SORBS2: variants seen among roughly 807,000 people sequenced by gnomAD.
SORBS2 encodes sorbin and SH3 domain-containing protein 2.
In SORBS2, 46 loss-of-function variants were observed where a neutral mutation model predicts 97.7. The ratio of observed to expected loss-of-function variants is 0.47; its 90% CI spans 0.37 to 0.60. The LOEUF is 0.60. SORBS2 is among the 20% of genes least tolerant of loss of function. The pLI is 0.00. For missense variants in SORBS2, 1,316 were observed against 1,282.3 expected (o/e 1.03, Z -0.40); for synonymous variants, 476 against 473.4 (o/e 1.01, Z -0.07).
chr4:185,867,768 T>C (rs1297199974), intron 1 of SORBS2, among the ~76,000 whole-genome samples: 4 of 152,134 alleles, frequency 2.6e-5, no homozygotes, highest in Non-Finnish European at 4.4e-5. Flanking sequence ...CGACTCTCTC[T>C]AAATTACCTT....
At chr4:185,665,198 G>T (rs1405192784) in intron 4 of SORBS2, among the ~76,000 whole-genome samples, 1 of 152,092 alleles carries the variant, frequency 6.6e-6, no homozygotes, top group Admixed American at 6.5e-5. Flanking sequence ...TAGGATTATC[G>T]ACATCATTCA....
chr4:185,602,119 T>C (rs1010844504), intron 12 of SORBS2, among the ~76,000 whole-genome samples: 10 of 151,614 alleles, frequency 6.6e-5, no homozygotes, highest in African/African-American at 2.2e-4. Flanking sequence ...CAAGCAATTC[T>C]CTGCCTCACC....
Position 185,843,331 on chromosome 4 carries a change from A to G in SORBS2, c.-337-67965T>C, listed in dbSNP as rs553673274. On this transcript the variant is annotated intron_variant, in intron 1 of 20. Transcript: ENST00000284776. ...TCCACTTTCACCATTCCTATTCATT[A>G]TTGTATTGGAGGTTCTAGCTGTAGC... 7.9e-5 allele frequency among the ~76,000 whole-genome samples: 12 copies of G among 152,318 alleles called. No individual in the cohort carries two copies. In the South Asian group the frequency reaches 2.1e-3, roughly 26 times the overall value.
At chr4:185,653,049 T>G (rs1342269115) in intron 1 of SORBS2, among the ~76,000 whole-genome samples, 2 of 152,250 alleles carry the variant, frequency 1.3e-5, no homozygotes, top group Non-Finnish European at 2.9e-5. Flanking sequence ...TAATGTAAGT[T>G]ATTGTTGTAC....
chr4:185,810,303 C>T (rs1258299240), intron 1 of SORBS2, among the ~76,000 whole-genome samples: 1 of 152,210 alleles, frequency 6.6e-6, no homozygotes, highest in Non-Finnish European at 1.5e-5. Context: ...TATCTTAGGG[C>T]TTATGAACAT....
At position 185,626,818 on chromosome 4, in the gene SORBS2, T is replaced by C; in HGVS notation, c.634+14A>G. The C allele has an allele frequency of 6.2e-7, 1 of 1,613,574 alleles. No individual in the cohort carries two copies. The highest frequency in any genetic ancestry group is 8.5e-7 in the Non-Finnish European group (1 of 1,179,398). ...AAACTAGTAAATTGTTGTGTTTTCA[T>C]TTACTATGCTCACCTTTTGCTCTTG... On this transcript the variant is annotated intron_variant, in intron 6 of 14. Transcript: ENST00000418609.
Position 185,804,559 on chromosome 4 carries a change from T to A in SORBS2, c.-337-29193A>T, listed in dbSNP as rs1016838240. ...GATTGCAGAAAATGTTTCTGAGAAA[T>A]TCCAATGTAAACGTCCTTAAAAGTC... On this transcript the variant is annotated intron_variant, in intron 1 of 20. Transcript: ENST00000284776. Among the ~76,000 whole-genome samples the A allele has an allele frequency of 6.6e-5, 10 of 152,250 alleles. No individual in the cohort carries two copies. The East Asian group carries it at 1.3e-3, about 20-fold the overall frequency.
intron 1 of SORBS2, among the ~76,000 whole-genome samples, chr4:185,846,722 G>A (rs1250023114): frequency 2.0e-5 from 3 of 152,262 alleles, no homozygotes; most frequent in East Asian, 1.9e-4. Flanking sequence ...AATAGGAAGC[G>A]GGTGCTTCTG....
At chr4:185,657,556 A>C (rs1310605555), upstream of SORBS2, 5 of 1,584,902 alleles carry the variant, frequency 3.2e-6, no homozygotes, top group Non-Finnish European at 4.3e-6. Flanking sequence ...TGGTGGTGCC[A>C]TCCAGAGACT....
intron 1 of SORBS2, among the ~76,000 whole-genome samples, chr4:185,879,810 C>T (rs770594821): frequency 2.6e-5 from 4 of 152,174 alleles, no homozygotes; most frequent in Non-Finnish European, 4.4e-5. Flanking sequence ...GAGCTTCTAT[C>T]TGTTCACAGG....
intron 1 of SORBS2, among the ~76,000 whole-genome samples, chr4:185,816,005 A>T (rs2099193064): frequency 6.6e-6 from 1 of 152,264 alleles, no homozygotes; most frequent in Non-Finnish European, 1.5e-5. Flanking sequence ...AAACTAAAGA[A>T]GTTAATAAGT....
intron 1 of SORBS2, among the ~76,000 whole-genome samples, chr4:185,820,278 C>T (rs870197): frequency 0.66 from 99,990 of 152,094 alleles, 33,356 homozygotes; most frequent in East Asian, 0.92. Flanking sequence ...TCCCTGCAAC[C>T]TCACCTGGAC....
intron 2 of SORBS2, among the ~76,000 whole-genome samples, chr4:185,704,568 C>T (rs2098313305): frequency 6.6e-6 from 1 of 152,134 alleles, no homozygotes; most frequent in Non-Finnish European, 1.5e-5. Flanking sequence ...ATCCACCCCC[C>T]TCGGCCTCCC....
intron 12 of SORBS2, among the ~76,000 whole-genome samples, chr4:185,603,961 CAGG>C (rs547215136): frequency 2.6e-4 from 40 of 152,228 alleles, no homozygotes; most frequent in African/African-American, 9.2e-4. Flanking sequence ...ATCCTGTCTC[CAGG>C]CTCTGCTGAA....
At chr4:185,855,223 C>G (rs527822768) in intron 1 of SORBS2, among the ~76,000 whole-genome samples, 1 of 152,230 alleles carries the variant, frequency 6.6e-6, no homozygotes, top group African/African-American at 2.4e-5. Flanking sequence ...AGGCCTTCCC[C>G]TCTGAAGGCG....
chr4:185,946,104 G>T (rs1453536302), intron 1 of SORBS2, among the ~76,000 whole-genome samples: 1 of 144,988 alleles, frequency 6.9e-6, no homozygotes, highest in African/African-American at 2.5e-5. Flanking sequence ...GTTGATAGGT[G>T]TGATGATTGG....
intron 12 of SORBS2, among the ~76,000 whole-genome samples, chr4:185,605,461 T>G (rs2096389412): frequency 6.6e-6 from 1 of 151,370 alleles, no homozygotes; most frequent in African/African-American, 2.4e-5. Context: ...TTTTGTATTT[T>G]TAGTGGAGAT....
At chr4:185,705,679 A>C (rs907874502) in intron 2 of SORBS2, among the ~76,000 whole-genome samples, 5 of 152,308 alleles carry the variant, frequency 3.3e-5, no homozygotes, top group Non-Finnish European at 5.9e-5. Context: ...TATCTGGTAC[A>C]TATTATTTAC....
At chr4:185,830,134 A>G (rs568482237) in intron 1 of SORBS2, among the ~76,000 whole-genome samples, 1 of 152,326 alleles carries the variant, frequency 6.6e-6, no homozygotes, top group South Asian at 2.1e-4. Flanking sequence ...TTCCAAGTCA[A>G]ACGGTGACTT....
Sources: gnomAD v4.1 joint callset for allele counts (sites outside exome capture counted in the v4.1 genomes callset) on GRCh38, gnomAD v4.1.1 for gene constraint, MANE v1.5 for transcripts, NCBI Gene and HGNC (gene_info 2026-07-23, HGNC 2026-07-21) for gene names.